ADGRG7: variants seen among roughly 807,000 people sequenced by gnomAD.
ADGRG7 encodes G-protein coupled receptor 128.
ADGRG7 carries 82 observed loss-of-function variants against 88.6 expected under a neutral mutation model. That is an observed-to-expected ratio of 0.93 (90% CI 0.77 to 1.11). ADGRG7 has a LOEUF of 1.11. Ranked by LOEUF, ADGRG7 falls within the 50% of genes most tolerant of loss-of-function variation. ADGRG7 has a pLI of 0.00. For missense variants in ADGRG7, 945 were observed against 953.4 expected (o/e 0.99, Z 0.12); for synonymous variants, 381 against 345.2 (o/e 1.10, Z -1.15).
At chr3:100,610,906 A>G (rs908202119) in intron 1 of ADGRG7, among the ~76,000 whole-genome samples, 3 of 152,186 alleles carry the variant, frequency 2.0e-5, no homozygotes, top group Non-Finnish European at 4.4e-5. Flanking sequence ...GCATGGCTGC[A>G]AAGATCCAGT....
chr3:100,644,797 T>C (rs936545318), intron 8 of ADGRG7, among the ~76,000 whole-genome samples: 6 of 152,190 alleles, frequency 3.9e-5, no homozygotes, highest in Non-Finnish European at 8.8e-5. Flanking sequence ...TCTTAAAGTG[T>C]TGGGATTATA....
chr3:100,638,496 G>C (rs1040223296), intron 6 of ADGRG7, among the ~76,000 whole-genome samples: 1 of 152,160 alleles, frequency 6.6e-6, no homozygotes, highest in Non-Finnish European at 1.5e-5. Context: ...GGCACAGGAT[G>C]GGGGAGTAGG....
Position 100,650,649 on chromosome 3 carries a change from A to T in ADGRG7, c.1379+842A>T, listed in dbSNP as rs115810848. ...GACACAACAAGAAGTGCGTATCAGT[A>T]TGTCCCATTATTGTTGGCTGTAAGT... On this transcript the variant is annotated intron_variant, in intron 11 of 15. Coordinates refer to ENST00000273352, the MANE Select transcript of ADGRG7 (RefSeq NM_032787.3). Among the ~76,000 whole-genome samples the T allele has an allele frequency of 3.5e-3, 529 of 152,304 alleles. 5 individuals are homozygous for T. Among genetic ancestry groups the T allele is most frequent in the Non-Finnish European group, 5.1e-3 (350 of 68,024 alleles).
At position 100,685,823 on chromosome 3, in the gene ADGRG7, C is replaced by T. The variant is rs199965512; in HGVS notation, c.2137-8921C>T. ...AAGTCTTTGCTATTGTGAATAGTGC[C>T]ACAATAAACATACGTGTGCATGTGT... On this transcript the variant is annotated intron_variant, in intron 15 of 15. Coordinates refer to ENST00000273352, the MANE Select transcript of ADGRG7 (RefSeq NM_032787.3). 5.8e-3 allele frequency among the ~76,000 whole-genome samples: 877 copies of T among 152,248 alleles called. 28 individuals are homozygous for T. The East Asian group carries it at 0.065, about 11-fold the overall frequency.
At chr3:100,691,716 T>TTTTTTTTTTTTTTTTTTTTTTTTGAGAC (rs1553697184) in intron 15 of ADGRG7, among the ~76,000 whole-genome samples, 1 of 149,984 alleles carries the variant, frequency 6.7e-6, no homozygotes, top group Non-Finnish European at 1.5e-5. Flanking sequence ...TTTATTCTTT[T>TTTTTTTTTTTTTTTTTTTTTTTTGAGAC]GTGGTGATGA....
chr3:100,633,283 T>C lies in ADGRG7; in HGVS notation c.353T>C (p.Val118Ala). The part of the protein sequence containing the change: ...DTPNAGNPMA[V>A]RLCSLSLYGE... ...ATTAAAGCGGGCAATCCAATGGCAG[T>C]CCGGTTGTGCAGTCTCTCTCTATAT... The change falls in exon 4 of 16, where the codon GTC becomes GCC. Residue 118 changes from valine to alanine, a missense_variant. Physicochemically the swap from Val to Ala is moderately conservative, Grantham distance 64. Coordinates refer to ENST00000273352, the MANE Select transcript of ADGRG7 (RefSeq NM_032787.3). 6.7e-7 allele frequency: 1 copy of C among 1,489,920 alleles called. No individual in the cohort carries two copies. Among genetic ancestry groups the C allele is most frequent in the South Asian group, 1.5e-5 (1 of 65,840 alleles). 92.3% of individuals were successfully genotyped at this position (1,489,920 alleles called of 1,614,324 possible). A position where few individuals can be genotyped will look rare whatever the true frequency, so the allele number is the denominator to read the frequency against.
chr3:100,635,634 T>C (rs761305799), intron 4 of ADGRG7, 43 bp from the exon 5 acceptor site: 18 of 1,601,750 alleles, frequency 1.1e-5, no homozygotes, highest in Non-Finnish European at 1.5e-5. Context: ...TGTTTGGACA[T>C]AATTGTGTAA....
intron 9 of ADGRG7, 98 bp downstream of exon 9, chr3:100,646,206 G>T: frequency 6.0e-6 from 1 of 166,094 alleles, no homozygotes; most frequent in Non-Finnish European, 1.2e-5. Flanking sequence ...GGGAAGAAGA[G>T]AATAGGAGGG....
At chr3:100,634,887 G>T (rs1707510151) in intron 4 of ADGRG7, among the ~76,000 whole-genome samples, 1 of 152,112 alleles carries the variant, frequency 6.6e-6, no homozygotes, top group South Asian at 2.1e-4. Flanking sequence ...TTGAATTAGG[G>T]TTATTTGTTT....
intron 13 of ADGRG7, among the ~76,000 whole-genome samples, chr3:100,657,167 A>G (rs2094938786): frequency 6.6e-6 from 1 of 152,150 alleles, no homozygotes; most frequent in Non-Finnish European, 1.5e-5. Flanking sequence ...GGCAACTGAT[A>G]ATAAGAGAAG....
chr3:100,665,436 T>C (rs1207015705), intron 14 of ADGRG7: 1 of 538,228 alleles, frequency 1.9e-6, no homozygotes, highest in Non-Finnish European at 3.8e-6. Flanking sequence ...GCTTTTCCAC[T>C]AAATCTTCAG....
chr3:100,655,278 G>C, intron 12 of ADGRG7, 97 bp downstream of exon 12: 1 of 796,388 alleles, frequency 1.3e-6, no homozygotes, highest in Non-Finnish European at 2.0e-6. Context: ...AGGCCTTGAC[G>C]TAATTAAGAG....
intron 1 of ADGRG7, among the ~76,000 whole-genome samples, chr3:100,619,276 T>C (rs1263331564): frequency 6.6e-6 from 1 of 152,110 alleles, no homozygotes; most frequent in East Asian, 1.9e-4. Flanking sequence ...CTCAACTACA[T>C]GGAAACTGAA....
At chr3:100,652,067 A>G (rs886857420) in intron 11 of ADGRG7, among the ~76,000 whole-genome samples, 11 of 152,074 alleles carry the variant, frequency 7.2e-5, no homozygotes, top group African/African-American at 2.4e-4. Flanking sequence ...TTTGAAAATC[A>G]CCTCTTCTTC....
At position 100,609,733 on chromosome 3, in the gene ADGRG7, C is replaced by T. The variant is rs1707117292; in HGVS notation, c.-124C>T. ...CTAAAATACAAAGACATCCATCTGA[C>T]AGATCACTGAGGGGAGGACTTGTTT... On this transcript the variant is annotated 5_prime_UTR_variant, in exon 1 of 16. Transcript: ENST00000273352. The T allele has an allele frequency of 1.5e-6, 1 of 648,936 alleles. No individual in the cohort carries two copies. Among genetic ancestry groups the T allele is most frequent in the Non-Finnish European group, 2.8e-6 (1 of 363,464 alleles). 40.2% of individuals were successfully genotyped at this position (648,936 alleles called of 1,614,324 possible). A position where few individuals can be genotyped will look rare whatever the true frequency, so the allele number is the denominator to read the frequency against.
At chr3:100,681,474 C>T (rs2149040040) in intron 15 of ADGRG7, among the ~76,000 whole-genome samples, 1 of 152,044 alleles carries the variant, frequency 6.6e-6, no homozygotes, top group South Asian at 2.1e-4. Context: ...CCATGTCAGG[C>T]TAATTTTTGT....
Position 100,659,668 on chromosome 3 carries a change from A to ATTTTTTTTTTTT in ADGRG7, c.1824-10_1824-9insTTTTTTTTTTTT. ...ATACCTTTCTTAGTCTGCTGAAGCA[A>ATTTTTTTTTTTT]TTTTTTTTTTCCTCCACAGCTGCTG... On this transcript the variant is annotated intron_variant, in intron 13 of 15. Transcript: ENST00000273352. 4 of 1,514,422 alleles carry ATTTTTTTTTTTT rather than the reference A, an allele frequency of 2.6e-6. No homozygotes were observed. Among genetic ancestry groups the ATTTTTTTTTTTT allele is most frequent in the African/African-American group, 2.8e-5 (2 of 71,894 alleles). The allele number at this position is 1,514,422 out of a possible 1,614,324, so 93.8% of individuals were successfully genotyped here.
At position 100,629,251 on chromosome 3, in the gene ADGRG7, T is replaced by C. The variant is rs144885095; in HGVS notation, c.116-347T>C. 4.5e-3 allele frequency among the ~76,000 whole-genome samples: 680 copies of C among 151,250 alleles called. 6 individuals carry two copies. Among genetic ancestry groups the C allele is most frequent in the African/African-American group, 0.016 (657 of 41,184 alleles). ...CTCCTATGTGTTTTTACTGTACTTA[T>C]AAGCCTCCATGTTGACTCTATCTAT... On this transcript the variant is annotated intron_variant, in intron 1 of 15. Transcript: ENST00000273352.
At chr3:100,667,490 T>C (rs1463225550) in intron 14 of ADGRG7, among the ~76,000 whole-genome samples, 1 of 152,228 alleles carries the variant, frequency 6.6e-6, no homozygotes, top group Non-Finnish European at 1.5e-5. Context: ...TCCATGTCCA[T>C]GCAAAGGACA....
Sources: allele counts gnomAD v4.1 joint callset (sites outside exome capture counted in the v4.1 genomes callset), GRCh38; gene constraint gnomAD v4.1.1; transcripts MANE v1.5; gene names NCBI Gene and HGNC (gene_info 2026-07-23, HGNC 2026-07-21).